KANK4: variants seen among roughly 807,000 people sequenced by gnomAD.
KANK4 encodes the protein KN motif and ankyrin repeat domain-containing protein 4.
In KANK4, 50 loss-of-function variants were observed where a neutral mutation model predicts 80.8. The ratio of observed to expected loss-of-function variants is 0.62; its 90% CI spans 0.49 to 0.78. The LOEUF is 0.78. Ranked by LOEUF, KANK4 falls within the 30% of genes least tolerant of loss-of-function variation. The pLI, the probability that KANK4 is intolerant of heterozygous loss-of-function variation, is 0.00. For synonymous variants in KANK4, 465 were observed against 506.9 expected (o/e 0.92, Z 1.11); for missense variants, 1,196 against 1,240.1 (o/e 0.96, Z 0.53).
At chr1:62,256,848 A>G (rs1451546153) in intron 7 of KANK4, among the ~76,000 whole-genome samples, 2 of 152,156 alleles carry the variant, frequency 1.3e-5, no homozygotes, top group Non-Finnish European at 2.9e-5. Context: ...ACAACTCCAT[A>G]CATCACCTCA....
At chr1:62,318,870 G>C (rs11207958) in intron 1 of KANK4, among the ~76,000 whole-genome samples, 97,119 of 152,072 alleles carry the variant, frequency 0.64, 31,210 homozygotes, top group African/African-American at 0.68. Context: ...GAGCAGCCCC[G>C]CTCCTTTTCT....
intron 8 of KANK4, among the ~76,000 whole-genome samples, chr1:62,251,683 G>T (rs970127412): frequency 7.9e-5 from 12 of 152,110 alleles, no homozygotes; most frequent in Admixed American, 7.9e-4. Context: ...CAATCAACTT[G>T]TACTTAATCA....
intron 1 of KANK4, among the ~76,000 whole-genome samples, chr1:62,304,782 G>A (rs186326362): frequency 1.0e-3 from 157 of 151,982 alleles, no homozygotes; most frequent in African/African-American, 3.5e-3. Context: ...ATGATACAGC[G>A]CGACCGGCAT....
In KANK4 at chr1:62,249,786, G is replaced by C. The variant is rs533015129; in HGVS notation, c.2683-2114C>G. ...TTGAACTCCTGACCTCAGGTGATCTGCCTACCTCGGCCTCCCAAAGTGCTG... is the reference window on the plus strand; with the variant it reads ...TTGAACTCCTGACCTCAGGTGATCTCCCTACCTCGGCCTCCCAAAGTGCTG... On this transcript the variant is annotated intron_variant, in intron 8 of 9. Coordinates refer to ENST00000371153, the MANE Select transcript of KANK4 (RefSeq NM_181712.5). Among the ~76,000 whole-genome samples, 8 of 151,996 alleles carry C rather than the reference G, an allele frequency of 5.3e-5. No individual in the cohort carries two copies. In the East Asian group the frequency reaches 1.6e-3, roughly 30 times the overall value.
intron 7 of KANK4, among the ~76,000 whole-genome samples, 197 bp downstream of exon 7, chr1:62,262,895 A>T (rs1366286928): frequency 6.6e-6 from 1 of 152,190 alleles, no homozygotes; most frequent in African/African-American, 2.4e-5. Context: ...AGTGAGGAAA[A>T]GCTACCTATT....
At chr1:62,245,099 C>T (rs1263134106) in intron 9 of KANK4, among the ~76,000 whole-genome samples, 1 of 152,244 alleles carries the variant, frequency 6.6e-6, no homozygotes, top group Admixed American at 6.5e-5. Context: ...CCTCTTCGGG[C>T]ATCAGCAGTG....
chr1:62,279,200 A>G (rs6674685), intron 2 of KANK4, among the ~76,000 whole-genome samples: 1,135 of 17,396 alleles, frequency 0.065, 13 homozygotes, highest in African/African-American at 0.17. Context: ...TAGCGCGCGC[A>G]CACACACACA....
chr1:62,311,813 C>G (rs1466673367), intron 1 of KANK4, among the ~76,000 whole-genome samples: 1 of 152,188 alleles, frequency 6.6e-6, no homozygotes, highest in Non-Finnish European at 1.5e-5. Flanking sequence ...TAGATAACAT[C>G]AAAGTCTTCT....
At chr1:62,259,199 C>T (rs1432745347) in intron 7 of KANK4, among the ~76,000 whole-genome samples, 1 of 152,118 alleles carries the variant, frequency 6.6e-6, no homozygotes, top group Non-Finnish European at 1.5e-5. Context: ...AAATTCCCAC[C>T]TGAGGCCTCC....
At position 62,236,304 on chromosome 1, in the gene KANK4, A is replaced by C. The variant is rs1043812291; in HGVS notation, c.*1973T>G. Reference sequence around the variant, plus strand: ...GAATCTCAGGCCCCACCCCAGACCTACTGCCTTCTAACAAGATCCCAGGTG... The same window carrying C: ...GAATCTCAGGCCCCACCCCAGACCTCCTGCCTTCTAACAAGATCCCAGGTG... On this transcript the variant is annotated 3_prime_UTR_variant, in exon 10 of 10. Transcript: ENST00000371153. Among the ~76,000 whole-genome samples, 1 of 152,152 alleles carries C rather than the reference A, an allele frequency of 6.6e-6. No homozygotes were observed. The highest frequency in any genetic ancestry group is 2.4e-5 in the African/African-American group (1 of 41,408).
intron 1 of KANK4, among the ~76,000 whole-genome samples, chr1:62,307,772 T>C (rs1172451663): frequency 2.7e-5 from 4 of 150,174 alleles, no homozygotes; most frequent in Non-Finnish European, 4.4e-5. Context: ...TTTTTTTTTT[T>C]CAAAAGAAGC....
intron 1 of KANK4, among the ~76,000 whole-genome samples, chr1:62,313,462 A>C (rs1230373983): frequency 3.3e-5 from 5 of 152,226 alleles, no homozygotes; most frequent in Non-Finnish European, 7.3e-5. Context: ...CACGGGGATA[A>C]TAAATGGTGA....
intron 1 of KANK4, among the ~76,000 whole-genome samples, chr1:62,289,143 G>A (rs1445109290): frequency 6.6e-6 from 1 of 152,118 alleles, no homozygotes; most frequent in East Asian, 1.9e-4. Flanking sequence ...TGTCTCTAGT[G>A]ATAAGTGGAA....
At chr1:62,245,047 G>A (rs1671433210) in intron 9 of KANK4, among the ~76,000 whole-genome samples, 1 of 152,186 alleles carries the variant, frequency 6.6e-6, no homozygotes, top group Non-Finnish European at 1.5e-5. Flanking sequence ...GACTTCCAAA[G>A]CTCATGCCTG....
chr1:62,304,659 T>G (rs1644437013), intron 1 of KANK4, among the ~76,000 whole-genome samples: 1 of 152,052 alleles, frequency 6.6e-6, no homozygotes, highest in Admixed American at 6.6e-5. Context: ...AACAACCTCA[T>G]GCATTCCAAA....
chr1:62,278,640 C>T lies in KANK4; in HGVS notation c.16+2909G>A, dbSNP rs147786728. Among the ~76,000 whole-genome samples, 696 of 152,018 alleles carry T rather than the reference C, an allele frequency of 4.6e-3. 5 individuals are homozygous for T. The highest frequency in any genetic ancestry group is 0.041 in the Middle Eastern group (12 of 294). ...GAACTCCTGACCTCAGGTGATCCAC[C>T]TGCCTCGGCCTCCCAAAGTGCTGGG... On this transcript the variant is annotated intron_variant, in intron 2 of 9. Coordinates refer to ENST00000371153, the MANE Select transcript of KANK4 (RefSeq NM_181712.5).
At chr1:62,289,703 T>C (rs1338528844) in intron 1 of KANK4, among the ~76,000 whole-genome samples, 1 of 152,204 alleles carries the variant, frequency 6.6e-6, no homozygotes, top group African/African-American at 2.4e-5. Context: ...ATAACTATTA[T>C]GATGTATTCT....
At position 62,319,340 on chromosome 1, in the gene KANK4, G is replaced by A. The variant is rs375316985; in HGVS notation, c.-305C>T. 6.6e-6 allele frequency: 1 copy of A among 151,916 alleles called. No individual in the cohort carries two copies. The highest frequency in any genetic ancestry group is 1.5e-5 in the Non-Finnish European group (1 of 67,980). The allele number at this position is 151,916 out of a possible 1,614,324, so 9.4% of individuals were successfully genotyped here. A position where few individuals can be genotyped will look rare whatever the true frequency, so the allele number is the denominator to read the frequency against. Reference sequence around the variant, plus strand: ...GCGCACCCCTGCGGGCACACCCACCGCGGCGGATGCGGGACTGGCCAGGCG... The same window carrying A: ...GCGCACCCCTGCGGGCACACCCACCACGGCGGATGCGGGACTGGCCAGGCG... On this transcript the variant is annotated 5_prime_UTR_variant, in exon 1 of 10. Transcript: ENST00000371153.
chr1:62,275,166 T>C (rs1557491242), intron 2 of KANK4, 79 bp from the exon 3 acceptor site: 1 of 1,069,522 alleles, frequency 9.3e-7, no homozygotes, highest in South Asian at 1.6e-5. Context: ...CTAATATCTC[T>C]GATTTTAACT....
Sources: gnomAD v4.1 joint callset for allele counts (sites outside exome capture counted in the v4.1 genomes callset) on GRCh38, gnomAD v4.1.1 for gene constraint, MANE v1.5 for transcripts, NCBI Gene and HGNC (gene_info 2026-07-23, HGNC 2026-07-21) for gene names.